Variants in PSTPIP2 observed in about 807,000 individuals in gnomAD.
PSTPIP2 encodes proline-serine-threonine phosphatase-interacting protein 2.
Under a neutral mutation model 63.3 loss-of-function variants are expected in PSTPIP2, and 33 were observed. The ratio of observed to expected loss-of-function variants is 0.52; its 90% confidence interval spans 0.40 to 0.70. The LOEUF (loss-of-function observed/expected upper bound fraction) is 0.70. PSTPIP2 is among the 30% of genes least tolerant of loss of function. PSTPIP2 has a pLI of 0.00. For synonymous variants in PSTPIP2, 125 were observed against 132.7 expected (o/e 0.94, Z 0.40); for missense variants, 312 against 400.7 (o/e 0.78, Z 1.89).
At chr18:46,011,404 A>G (rs2051795417) in intron 4 of PSTPIP2, 117 bp from the exon 5 acceptor site, 4 of 803,148 alleles carry the variant, frequency 5.0e-6, no homozygotes, top group Non-Finnish European at 7.9e-6. Flanking sequence ...TAAAATCAAC[A>G]TCACTTCATT....
chr18:45,996,969 T>C (rs2051602283), intron 9 of PSTPIP2, among the ~76,000 whole-genome samples: 1 of 152,100 alleles, frequency 6.6e-6, no homozygotes, highest in African/African-American at 2.4e-5. Flanking sequence ...TCACTTGCTG[T>C]TGGCATTCCC....
chr18:46,021,177 T>C (rs1339148989), intron 3 of PSTPIP2, among the ~76,000 whole-genome samples: 1 of 152,252 alleles, frequency 6.6e-6, no homozygotes. Flanking sequence ...GTTTTACATA[T>C]TCAAAAAATA....
At chr18:46,032,823 A>G (rs1907833167) in intron 2 of PSTPIP2, among the ~76,000 whole-genome samples, 1 of 152,060 alleles carries the variant, frequency 6.6e-6, no homozygotes, top group Non-Finnish European at 1.5e-5. Flanking sequence ...CCCATGACAA[A>G]CATCATCAGA....
At chr18:46,045,320 A>G (rs1430103442) in intron 1 of PSTPIP2, among the ~76,000 whole-genome samples, 1 of 152,244 alleles carries the variant, frequency 6.6e-6, no homozygotes, top group Non-Finnish European at 1.5e-5. Context: ...ACCATGGAAT[A>G]CTATGCTGCC....
intron 1 of PSTPIP2, among the ~76,000 whole-genome samples, chr18:46,042,155 G>A (rs1483907536): frequency 3.3e-5 from 5 of 152,150 alleles, no homozygotes; most frequent in Admixed American, 3.3e-4. Context: ...ATCTAAGTTA[G>A]AAATGTTTAA....
intron 10 of PSTPIP2, among the ~76,000 whole-genome samples, chr18:45,992,543 A>G (rs1349502359): frequency 6.7e-6 from 1 of 150,172 alleles, no homozygotes; most frequent in Admixed American, 6.7e-5. Context: ...ACCCCAGGCG[A>G]CAGTGCGAGA....
intron 2 of PSTPIP2, among the ~76,000 whole-genome samples, chr18:46,035,170 C>T (rs1201209154): frequency 6.6e-6 from 1 of 151,924 alleles, no homozygotes; most frequent in East Asian, 1.9e-4. Context: ...ACCTGTAATC[C>T]CAGCACCTTG....
chr18:45,994,723 G>A (rs1205157531), intron 9 of PSTPIP2, among the ~76,000 whole-genome samples: 2 of 151,984 alleles, frequency 1.3e-5, no homozygotes, highest in East Asian at 1.9e-4. Context: ...ACTCACAACC[G>A]ATTCTATTTT....
intron 5 of PSTPIP2, among the ~76,000 whole-genome samples, chr18:46,006,389 T>TTTGG (rs2051726974): frequency 8.5e-6 from 1 of 118,040 alleles, no homozygotes; most frequent in Non-Finnish European, 1.8e-5. Context: ...TTTTTTTTTC[T>TTTGG]GAGACAGAGT....
chr18:46,055,975 T>C (rs927807583), intron 1 of PSTPIP2, among the ~76,000 whole-genome samples: 1 of 152,170 alleles, frequency 6.6e-6, no homozygotes, highest in Non-Finnish European at 1.5e-5. Context: ...GACTGTATCT[T>C]TCTTGTTTAG....
chr18:46,063,029 G>A (rs149615980), intron 1 of PSTPIP2, among the ~76,000 whole-genome samples: 30 of 152,282 alleles, frequency 2.0e-4, no homozygotes, highest in Admixed American at 5.2e-4. Flanking sequence ...GTGAGACAGC[G>A]TCTTGCTCTG....
intron 1 of PSTPIP2, among the ~76,000 whole-genome samples, chr18:46,054,807 C>T (rs200027161): frequency 4.0e-5 from 6 of 151,766 alleles, no homozygotes; most frequent in African/African-American, 9.7e-5. Context: ...ATTACAGGCA[C>T]GTGCCACCAC....
intron 1 of PSTPIP2, among the ~76,000 whole-genome samples, chr18:46,052,395 A>C (rs1465894832): frequency 3.3e-5 from 5 of 152,186 alleles, no homozygotes; most frequent in African/African-American, 1.2e-4. Flanking sequence ...TAGTTGAGCC[A>C]GATAAGCAAA....
rs745644988 is a variant in PSTPIP2 at position 46,026,047 on chromosome 18, A to T, written c.135-1361T>A. ...TGGGATTAAAGGCATGAGCCACCAC[A>T]CCCAGCTTGAGAGTGTTTTTCTGAG... On this transcript the variant is annotated intron_variant, in intron 2 of 14. Transcript: ENST00000409746. 8.8e-4 allele frequency among the ~76,000 whole-genome samples: 134 copies of T among 152,234 alleles called. 1 individual carries two copies. The highest frequency in any genetic ancestry group is 3.4e-3 in the Middle Eastern group (1 of 294).
intron 3 of PSTPIP2, among the ~76,000 whole-genome samples, chr18:46,016,454 A>G (rs2051853185): frequency 6.6e-6 from 1 of 152,272 alleles, no homozygotes; most frequent in South Asian, 2.1e-4. Context: ...CTCCTTTTTC[A>G]CTCATTTACA....
intron 2 of PSTPIP2, among the ~76,000 whole-genome samples, chr18:46,033,697 C>CA (rs1907864316): frequency 1.0e-5 from 1 of 99,826 alleles, no homozygotes; most frequent in East Asian, 3.9e-4. Context: ...GACTCCATCT[C>CA]GAAAAAAAAA....
At chr18:46,040,311 A>G (rs1405734365) in intron 1 of PSTPIP2, 1 of 324,050 alleles carries the variant, frequency 3.1e-6, no homozygotes, top group Non-Finnish European at 5.7e-6. Flanking sequence ...TGAATAATCC[A>G]CCAACCAAGC....
chr18:46,027,355 AAATT>A (rs1907617874), intron 2 of PSTPIP2, among the ~76,000 whole-genome samples: 1 of 150,584 alleles, frequency 6.6e-6, no homozygotes, highest in African/African-American at 2.4e-5. Flanking sequence ...AATATTAAAA[AAATT>A]TTTTTTAAAG....
intron 1 of PSTPIP2, among the ~76,000 whole-genome samples, chr18:46,069,748 G>C (rs1360063607): frequency 6.6e-6 from 1 of 152,158 alleles, no homozygotes; most frequent in Non-Finnish European, 1.5e-5. Flanking sequence ...CACCTTCCTT[G>C]GAATGTCCCT....
Sources: allele counts gnomAD v4.1 joint callset (sites outside exome capture counted in the v4.1 genomes callset), GRCh38; gene constraint gnomAD v4.1.1; transcripts MANE v1.5; gene names NCBI Gene and HGNC (gene_info 2026-07-23, HGNC 2026-07-21).